The following TMEM45B variants were observed in gnomAD, a reference collection of about 807,000 sequenced individuals.
The protein encoded by TMEM45B is transmembrane protein 45B.
Under a neutral mutation model 27.3 loss-of-function variants are expected in TMEM45B, and 29 were observed. The observed-to-expected ratio is 1.06, with a 90% CI of 0.79 to 1.45. TMEM45B has a LOEUF of 1.45. Among genes scored for constraint, TMEM45B ranks in the 40% most tolerant of loss-of-function variants. The pLI is 0.00. For missense variants in TMEM45B, 348 were observed against 343.9 expected, an observed-to-expected ratio of 1.01 and a Z score of -0.09; for synonymous variants, 143 against 134.7, an observed-to-expected ratio of 1.06 and a Z score of -0.43.
chr11:129,847,377 G>A (rs994489284), intron 1 of TMEM45B, among the ~76,000 whole-genome samples: 1 of 151,286 alleles, frequency 6.6e-6, no homozygotes, highest in African/African-American at 2.4e-5. Flanking sequence ...TCTGAAAACT[G>A]TAAGCATTTT....
chr11:129,846,775 G>A (rs537910744), intron 1 of TMEM45B, among the ~76,000 whole-genome samples: 120 of 152,304 alleles, frequency 7.9e-4, no homozygotes, highest in Non-Finnish European at 1.2e-3. Context: ...CAGGAGTCAC[G>A]GAATAAAGTG....
In TMEM45B at chr11:129,857,501, G is replaced by A. The variant is rs780440869; in HGVS notation, c.716+43G>A. Reference sequence around the variant, plus strand: ...GTGAAGCTTTTCCTCCTAACTCTAAGCAGGACTGATGTGATTAACTTGCAC... The same window carrying A: ...GTGAAGCTTTTCCTCCTAACTCTAAACAGGACTGATGTGATTAACTTGCAC... On this transcript the variant is annotated intron_variant, in intron 5 of 5. Coordinates refer to ENST00000281441, the MANE Select transcript of TMEM45B (RefSeq NM_138788.5). The A allele has an allele frequency of 3.1e-6, 5 of 1,610,714 alleles. No homozygotes were observed. In the Admixed American group the frequency reaches 6.7e-5, roughly 21 times the overall value.
At chr11:129,858,208 G>A (rs1947957363) in intron 5 of TMEM45B, among the ~76,000 whole-genome samples, 1 of 152,098 alleles carries the variant, frequency 6.6e-6, no homozygotes, top group African/African-American at 2.4e-5. Flanking sequence ...TAGATCCCAA[G>A]CAGAATATTA....
At chr11:129,827,111 T>A (rs10791054) in intron 1 of TMEM45B, 14,955 of 152,340 alleles carry the variant, frequency 0.098, 789 homozygotes, top group Admixed American at 0.12. Flanking sequence ...GCCCAGTTTC[T>A]CAGGTGAGAG....
At chr11:129,818,740 A>G (rs1197285380) in intron 1 of TMEM45B, among the ~76,000 whole-genome samples, 3 of 152,216 alleles carry the variant, frequency 2.0e-5, no homozygotes, top group Non-Finnish European at 4.4e-5. Context: ...GGTATATTTC[A>G]TGCCCATCTT....
intron 4 of TMEM45B, 56 bp from the exon 5 acceptor site, chr11:129,857,257 A>G (rs2135614526): frequency 6.2e-7 from 1 of 1,600,420 alleles, no homozygotes; most frequent in Non-Finnish European, 8.6e-7. Context: ...GAGAACGGCT[A>G]GATTGCTTCT....
chr11:129,837,600 T>TTTTTTTG (rs1591441385), intron 1 of TMEM45B, among the ~76,000 whole-genome samples: 1 of 133,256 alleles, frequency 7.5e-6, no homozygotes, highest in Admixed American at 7.7e-5. Context: ...TTTTTTTTTT[T>TTTTTTTG]GAGACAGGGT....
At chr11:129,840,946 TAAAAAA>T (rs55905045) in intron 1 of TMEM45B, among the ~76,000 whole-genome samples, 64 of 29,276 alleles carry the variant, frequency 2.2e-3, no homozygotes, top group African/African-American at 5.7e-3. Flanking sequence ...TTTCTTTCTG[TAAAAAA>T]AAAAAAAAAA....
intron 1 of TMEM45B, among the ~76,000 whole-genome samples, chr11:129,821,207 T>G (rs763049858): frequency 1.3e-5 from 2 of 152,152 alleles, no homozygotes; most frequent in Non-Finnish European, 2.9e-5. Context: ...CTTTAGTTGT[T>G]TGAGAACTCA....
chr11:129,855,630 G>T, intron 3 of TMEM45B, 78 bp from the exon 4 acceptor site: 1 of 1,480,936 alleles, frequency 6.8e-7, no homozygotes, highest in South Asian at 1.2e-5. Flanking sequence ...GAACCTAGCT[G>T]AGACAGGTGT....
chr11:129,820,208 A>G (rs1437448767), intron 1 of TMEM45B, among the ~76,000 whole-genome samples: 2 of 152,094 alleles, frequency 1.3e-5, no homozygotes, highest in Non-Finnish European at 2.9e-5. Context: ...CCAGCTACTC[A>G]GGAGGCTGAG....
At chr11:129,838,781 C>T (rs1328002302) in intron 1 of TMEM45B, among the ~76,000 whole-genome samples, 1 of 152,142 alleles carries the variant, frequency 6.6e-6, no homozygotes, top group Non-Finnish European at 1.5e-5. Flanking sequence ...GGTTGCCAAG[C>T]CTAGGCACTT....
At chr11:129,825,735 G>T (rs1267204130) in intron 1 of TMEM45B, among the ~76,000 whole-genome samples, 1 of 152,136 alleles carries the variant, frequency 6.6e-6, no homozygotes, top group African/African-American at 2.4e-5. Context: ...GATGCTGAGG[G>T]AAGGAAGGAA....
At chr11:129,850,774 G>A (rs898890670) in intron 1 of TMEM45B, among the ~76,000 whole-genome samples, 1 of 152,106 alleles carries the variant, frequency 6.6e-6, no homozygotes, top group African/African-American at 2.4e-5. Flanking sequence ...TTTCCCCACA[G>A]CTCATATCCC....
At position 129,855,339 on chromosome 11, in the gene TMEM45B, T is replaced by TCCACAAA. The variant is rs1565374301; in HGVS notation, c.386-369_386-368insCCACAAA. On this transcript the variant is annotated intron_variant, in intron 3 of 5. Transcript: ENST00000281441. ...CCAGTATGACTCACACTGACTGGGG[T>TCCACAAA]ATGAAAATACATTTTGTCATCTAAC... Among the ~76,000 whole-genome samples, 254 of 152,140 alleles carry TCCACAAA rather than the reference T, an allele frequency of 1.7e-3. 1 individual carries two copies. The highest frequency in any genetic ancestry group is 5.8e-3 in the African/African-American group (239 of 41,502).
At chr11:129,834,862 C>T (rs1488479032) in intron 1 of TMEM45B, among the ~76,000 whole-genome samples, 2 of 151,036 alleles carry the variant, frequency 1.3e-5, no homozygotes, top group Non-Finnish European at 2.9e-5. Context: ...TTAGAGAATA[C>T]ATGTATCATC....
chr11:129,857,044 G>A (rs1267870247), intron 4 of TMEM45B, among the ~76,000 whole-genome samples: 1 of 151,934 alleles, frequency 6.6e-6, no homozygotes, highest in Non-Finnish European at 1.5e-5. Context: ...AGTAGAAACA[G>A]GGTTTCACTA....
In TMEM45B at chr11:129,852,570, T is replaced by TTA; in HGVS notation, c.89_90insAT (p.Phe30LeufsTer54). The stretch of plus-strand genomic sequence containing the variant: ...GTCAGTGAAGTACCCGCTGAAGTAC[T>TTA]TTAGCCACACGCGGAAGAACAGCCC... On this transcript the variant is annotated frameshift_variant, in exon 2 of 6. Transcript: ENST00000281441. LOFTEE classifies it high-confidence loss of function. 1 of 1,614,008 alleles carries TTA rather than the reference T, an allele frequency of 6.2e-7. No individual in the cohort carries two copies. The highest frequency in any genetic ancestry group is 8.5e-7 in the Non-Finnish European group (1 of 1,179,902).
intron 1 of TMEM45B, among the ~76,000 whole-genome samples, chr11:129,821,770 T>C (rs1947422445): frequency 6.6e-6 from 1 of 152,174 alleles, no homozygotes; most frequent in South Asian, 2.1e-4. Flanking sequence ...TGTATTTTGT[T>C]CTAATCTCTG....
Sources: gnomAD v4.1 joint callset for allele counts (sites outside exome capture counted in the v4.1 genomes callset) on GRCh38, gnomAD v4.1.1 for gene constraint, MANE v1.5 for transcripts, NCBI Gene and HGNC (gene_info 2026-07-23, HGNC 2026-07-21) for gene names.